Variants in RABEP1 observed in about 807,000 individuals in gnomAD.
The protein encoded by RABEP1 is rabaptin, RAB GTPase binding effector protein 1.
In RABEP1, 51 loss-of-function variants were observed where a neutral mutation model predicts 123.4. The observed-to-expected ratio is 0.41, with a 90% CI of 0.33 to 0.52. The LOEUF is 0.52. Among genes scored for constraint, RABEP1 ranks in the 20% least tolerant of loss-of-function variants. The probability of loss-of-function intolerance (pLI) is 0.16; values close to 1 mark genes in which losing one functional copy is unlikely to be tolerated. For synonymous variants in RABEP1, 347 were observed against 355.2 expected (o/e 0.98, Z 0.26); for missense variants, 888 against 996.3 (o/e 0.89, Z 1.46).
At chr17:5,340,552 A>T (rs1296091550) in intron 5 of RABEP1, among the ~76,000 whole-genome samples, 2 of 152,020 alleles carry the variant, frequency 1.3e-5, no homozygotes, top group Admixed American at 6.6e-5. Context: ...CGCTAAAATG[A>T]TAGTTAAAAT....
chr17:5,338,801 T>C (rs187675130), intron 5 of RABEP1, among the ~76,000 whole-genome samples: 1 of 152,232 alleles, frequency 6.6e-6, no homozygotes, highest in African/African-American at 2.4e-5. Flanking sequence ...ATTGATCTTT[T>C]AGAGATAATG....
At position 5,377,161 on chromosome 17, in the gene RABEP1, G is replaced by T. The variant is rs771522573; in HGVS notation, c.2071G>T (p.Val691Leu). ...VLKYREDIIN[V>L]RTAADHVEEK... Reference sequence around the variant, plus strand: ...AAAATACCGTGAGGACATCATTAATGTGCGGACAGCAGCAGACCACGTAGA... The same window carrying T: ...AAAATACCGTGAGGACATCATTAATTTGCGGACAGCAGCAGACCACGTAGA... The change falls in exon 14 of 18, where the codon GTG becomes TTG. Residue 691 changes from valine to leucine, a missense_variant. By Grantham distance (32) the Val-to-Leu change is conservative. Transcript: ENST00000537505. 6.2e-7 allele frequency: 1 copy of T among 1,609,976 alleles called. No homozygotes were observed. Among genetic ancestry groups the T allele is most frequent in the Non-Finnish European group, 8.5e-7 (1 of 1,179,088 alleles).
chr17:5,308,856 G>T, intron 2 of RABEP1, 34 bp downstream of exon 2: 1 of 1,547,370 alleles, frequency 6.5e-7, no homozygotes, highest in Non-Finnish European at 8.8e-7. Flanking sequence ...ACTTCAATGC[G>T]AAAACTGCCT....
intron 11 of RABEP1, among the ~76,000 whole-genome samples, chr17:5,367,835 A>C (rs540456525): frequency 6.7e-6 from 1 of 149,682 alleles, no homozygotes; most frequent in Non-Finnish European, 1.5e-5. Flanking sequence ...GCTCACTGCA[A>C]CCTCTGCCTC....
At chr17:5,365,061 TAAAAA>T in intron 10 of RABEP1, 56 bp from the exon 11 acceptor site, 2 of 910,956 alleles carry the variant, frequency 2.2e-6, no homozygotes, top group Non-Finnish European at 3.2e-6. Flanking sequence ...GAGTTAGATT[TAAAAA>T]AAAAAAAATT....
At chr17:5,316,083 G>C (rs2075292248) in intron 2 of RABEP1, among the ~76,000 whole-genome samples, 1 of 152,188 alleles carries the variant, frequency 6.6e-6, no homozygotes, top group African/African-American at 2.4e-5. Context: ...GCTAAATTAT[G>C]TAAGAGTGAG....
intron 8 of RABEP1, among the ~76,000 whole-genome samples, chr17:5,360,692 C>G (rs1909437221): frequency 6.6e-6 from 1 of 152,222 alleles, no homozygotes. Flanking sequence ...ACTCATCCTA[C>G]GTGTTCTGAT....
At chr17:5,368,211 G>A (rs1910241603) in intron 11 of RABEP1, among the ~76,000 whole-genome samples, 159 bp from the exon 12 acceptor site, 1 of 152,194 alleles carries the variant, frequency 6.6e-6, no homozygotes, top group Non-Finnish European at 1.5e-5. Context: ...CCAAGGCTTT[G>A]CACATAGCAG....
intron 6 of RABEP1, among the ~76,000 whole-genome samples, chr17:5,348,191 C>T (rs1281152570): frequency 6.6e-6 from 1 of 152,154 alleles, no homozygotes; most frequent in Non-Finnish European, 1.5e-5. Flanking sequence ...GTTGGTCAGG[C>T]TGGTCTTGAA....
intron 1 of RABEP1, among the ~76,000 whole-genome samples, chr17:5,296,860 C>T (rs992745946): frequency 5.9e-5 from 9 of 152,176 alleles, no homozygotes; most frequent in African/African-American, 2.2e-4. Flanking sequence ...GATCCTCAAC[C>T]TTCTGAGCAG....
intron 11 of RABEP1, among the ~76,000 whole-genome samples, chr17:5,367,012 C>G (rs1304769801): frequency 3.3e-5 from 5 of 150,822 alleles, no homozygotes; most frequent in Non-Finnish European, 1.5e-5. Flanking sequence ...TCGCTTGAAC[C>G]CGGGAGGCGG....
chr17:5,337,953 G>C, intron 4 of RABEP1, 66 bp from the exon 5 acceptor site: 1 of 1,484,142 alleles, frequency 6.7e-7, no homozygotes, highest in South Asian at 1.4e-5. Context: ...GCAAATGGAA[G>C]GGTTAGAGTT....
intron 9 of RABEP1, 48 bp from the exon 10 acceptor site, chr17:5,362,864 G>T (rs767471261): frequency 5.0e-6 from 6 of 1,205,196 alleles, no homozygotes; most frequent in Non-Finnish European, 7.4e-6. Flanking sequence ...TCAAGTGTGT[G>T]ATGTAGAATT....
At chr17:5,318,058 A>C (rs1457606382) in intron 2 of RABEP1, among the ~76,000 whole-genome samples, 1 of 152,164 alleles carries the variant, frequency 6.6e-6, no homozygotes, top group African/African-American at 2.4e-5. Flanking sequence ...CCTTTGTAAT[A>C]GTCTTTATAA....
chr17:5,303,093 CTT>C (rs2075150170), intron 1 of RABEP1, among the ~76,000 whole-genome samples: 1 of 151,924 alleles, frequency 6.6e-6, no homozygotes, highest in South Asian at 2.1e-4. Flanking sequence ...TCATTACAGT[CTT>C]TTTTTCTATA....
chr17:5,377,347 A>C (rs1022453001), intron 14 of RABEP1, 42 bp downstream of exon 14: 1 of 1,501,090 alleles, frequency 6.7e-7, no homozygotes, highest in Non-Finnish European at 8.9e-7. Flanking sequence ...GAGTCACTAA[A>C]TAAAACTTTA....
In RABEP1 at chr17:5,340,988, A is replaced by C. The variant is rs150394962; in HGVS notation, c.648+2850A>C. Among the ~76,000 whole-genome samples, 43 of 151,876 alleles carry C rather than the reference A, an allele frequency of 2.8e-4. No individual in the cohort carries two copies. The East Asian group carries it at 8.3e-3, about 29-fold the overall frequency. ...GTACAAACAAAATAAATGGAAATGAATAATATAAACATAGGAATTTGTGAA... is the reference window on the plus strand; with the variant it reads ...GTACAAACAAAATAAATGGAAATGACTAATATAAACATAGGAATTTGTGAA... On this transcript the variant is annotated intron_variant, in intron 5 of 17. Transcript: ENST00000537505.
intron 2 of RABEP1, among the ~76,000 whole-genome samples, chr17:5,324,799 C>T (rs764522029): frequency 1.3e-5 from 2 of 152,144 alleles, no homozygotes; most frequent in African/African-American, 2.4e-5. Flanking sequence ...AAAAGATGCT[C>T]AACATCACTA....
chr17:5,362,238 C>G (rs1909614264), intron 9 of RABEP1, among the ~76,000 whole-genome samples: 2 of 152,284 alleles, frequency 1.3e-5, no homozygotes, highest in South Asian at 4.1e-4. Context: ...TTATAGATTA[C>G]AAAGGCCTTT....
Sources: allele counts gnomAD v4.1 joint callset (sites outside exome capture counted in the v4.1 genomes callset), GRCh38; gene constraint gnomAD v4.1.1; transcripts MANE v1.5; gene names NCBI Gene and HGNC (gene_info 2026-07-23, HGNC 2026-07-21).